The following CELA3B variants were observed in gnomAD, a reference collection of about 807,000 sequenced individuals.
The protein encoded by CELA3B is chymotrypsin-like elastase family member 3B.
In CELA3B, 34 loss-of-function variants were observed where a neutral mutation model predicts 37.2. That is an observed-to-expected ratio of 0.91 (90% CI 0.70 to 1.22). The LOEUF (loss-of-function observed/expected upper bound fraction) is 1.22, where lower values mean the gene tolerates loss of function less well. Ranked by LOEUF, CELA3B falls within the 50% of genes most tolerant of loss-of-function variation. The probability of loss-of-function intolerance (pLI) is 0.00; values close to 1 mark genes in which losing one functional copy is unlikely to be tolerated. For synonymous variants in CELA3B, 127 were observed against 143.5 expected (o/e 0.89, Z 0.82); for missense variants, 340 against 363.1 (o/e 0.94, Z 0.52).
rs1164265213 is a variant in CELA3B, at chr1:21,986,531, G to C, written c.643G>C (p.Gly215Arg). The C allele has an allele frequency of 6.2e-7, 1 of 1,613,916 alleles. No homozygotes were observed. The highest frequency in any genetic ancestry group is 1.3e-5 in the African/African-American group (1 of 74,918). ...ACCCACACCTCTCTGACGGTTCCAG[G>C]GTGACTCTGGAGGACCCCTCAACTG... The part of the protein sequence containing the change: ...AGGDIRSGCN[G>R]DSGGPLNCPT... The change falls in exon 7 of 8, where the codon GGT (glycine) becomes CGT (arginine). Residue 215 changes from glycine (G) to arginine (R), a missense_variant and splice_region_variant. By Grantham distance (125) the Gly-to-Arg change is moderately radical (BLOSUM62 -2). Coordinates refer to ENST00000337107, the MANE Select transcript of CELA3B (RefSeq NM_007352.4).
rs754575621 is a variant in CELA3B, at chr1:21,981,059, G to C, written c.249G>C (p.Val83=). ...HCISSSRTYQ[V]VLGEYDRAVK... Reference sequence around the variant, plus strand: ...GCAGGAGCTCCCGGACCTACCAGGTGGTGTTGGGCGAGTACGACCGTGCTG... The same window carrying C: ...GCAGGAGCTCCCGGACCTACCAGGTCGTGTTGGGCGAGTACGACCGTGCTG... The change falls in exon 4 of 8, where the codon GTG becomes GTC. Residue 83 remains valine (V), a synonymous_variant. Coordinates refer to ENST00000337107, the MANE Select transcript of CELA3B (RefSeq NM_007352.4). 3 of 1,614,112 alleles carry C rather than the reference G, an allele frequency of 1.9e-6. No homozygotes were observed. Among genetic ancestry groups the C allele is most frequent in the Non-Finnish European group, 2.5e-6 (3 of 1,180,034 alleles).
At position 21,983,769 on chromosome 1, in the gene CELA3B, G is replaced by C. The variant is rs10733033; in HGVS notation, c.438G>C (p.Pro146=). The stretch of plus-strand genomic sequence containing the variant: ...CCGTCCAGCTCGCCTCACTCCCTCC[G>C]GCTGGTGACATCCTTCCCAACGAGA... ...GDAVQLASLP[P]AGDILPNETP... The change falls in exon 5 of 8, where the codon CCG becomes CCC. Residue 146 remains proline (P), a synonymous_variant. Transcript: ENST00000337107. 1,569,592 of 1,613,984 alleles carry C rather than the reference G, an allele frequency of 0.97. 766,163 individuals are homozygous for C. Among genetic ancestry groups the C allele is most frequent in the Non-Finnish European group, 0.99 (1,171,638 of 1,180,028 alleles).
downstream of CELA3B, among the ~76,000 whole-genome samples, chr1:21,989,734 T>C (rs1359433978): frequency 6.6e-6 from 1 of 150,584 alleles, no homozygotes; most frequent in Admixed American, 6.6e-5. Flanking sequence ...GGAAGGACAA[T>C]GTGTGATCTG....
At chr1:21,997,321 A>G (rs1321092075) in intron 4 of CELA3B, among the ~76,000 whole-genome samples, 2 of 133,400 alleles carry the variant, frequency 1.5e-5, no homozygotes, top group Non-Finnish European at 3.1e-5. Flanking sequence ...AGATCGTGCC[A>G]TTGCACTCCA....
At chr1:21,989,795 T>G (rs1644862440), downstream of CELA3B, among the ~76,000 whole-genome samples, 1 of 150,842 alleles carries the variant, frequency 6.6e-6, no homozygotes, top group African/African-American at 2.5e-5. Flanking sequence ...CAACAAACAC[T>G]TATTCCTTGT....
chr1:21,985,007 C>T (rs1644829215), intron 6 of CELA3B, among the ~76,000 whole-genome samples: 3 of 151,882 alleles, frequency 2.0e-5, no homozygotes, highest in Admixed American at 2.0e-4. Flanking sequence ...GTTCTGGGCA[C>T]AGTCCCTCAT....
rs965943557 is a variant in CELA3B, at chr1:21,979,776, C to T, written c.130-1048C>T. Among the ~76,000 whole-genome samples the T allele has an allele frequency of 4.7e-5, 7 of 149,732 alleles. No individual in the cohort carries two copies. In the Admixed American group the frequency reaches 4.7e-4, roughly 10 times the overall value. On this transcript the variant is annotated intron_variant, in intron 2 of 7. Transcript: ENST00000337107. ...GCCTGCTTGCCACATTTCAAATGTT[C>T]AATAGTCACATGTGGCTAGTGGCTA...
rs370663466 is a variant in CELA3B, at chr1:21,997,620, C to T, written c.505-531C>T. ...AGAAGAATCACTTGAACCCGGGAGG[C>T]GAAGGTGGCAGTGAGCCGAGATCTA... On this transcript the variant is annotated intron_variant, in intron 4 of 4. Transcript: ENST00000400277. Among the ~76,000 whole-genome samples, 8 of 149,288 alleles carry T rather than the reference C, an allele frequency of 5.4e-5. No homozygotes were observed. In the South Asian group the frequency reaches 1.1e-3, roughly 20 times the overall value.
intron 1 of CELA3B, among the ~76,000 whole-genome samples, chr1:21,977,320 G>A (rs1237490341): frequency 2.6e-5 from 4 of 152,116 alleles, no homozygotes; most frequent in African/African-American, 9.7e-5. Flanking sequence ...CTTGATGGGG[G>A]CAGTAAACAA....
At chr1:21,996,427 CG>C (rs2152818367) in intron 4 of CELA3B, among the ~76,000 whole-genome samples, 1 of 151,158 alleles carries the variant, frequency 6.6e-6, no homozygotes, top group African/African-American at 2.4e-5. Context: ...ACCAGCACCA[CG>C]ACAATTTACA....
At chr1:21,994,713 G>T (rs545874229) in intron 4 of CELA3B, among the ~76,000 whole-genome samples, 2 of 150,932 alleles carry the variant, frequency 1.3e-5, no homozygotes, top group African/African-American at 4.9e-5. Flanking sequence ...ACATTTCCTA[G>T]TTGTGGCCAG....
intron 2 of CELA3B, among the ~76,000 whole-genome samples, chr1:21,979,448 CTTTTCTTT>C (rs1244400029): frequency 6.5e-4 from 71 of 108,600 alleles, no homozygotes; most frequent in African/African-American, 1.5e-3. Context: ...CTTTTCTTTT[CTTTTCTTT>C]TTTTTTTTTT....
chr1:21,981,708 C>T (rs998446941), intron 4 of CELA3B, among the ~76,000 whole-genome samples: 11 of 148,072 alleles, frequency 7.4e-5, no homozygotes, highest in African/African-American at 2.7e-4. Flanking sequence ...ATCTTATGCC[C>T]TTCAAGTGTA....
intron 4 of CELA3B, among the ~76,000 whole-genome samples, chr1:21,994,448 C>T (rs1473685194): frequency 6.6e-6 from 1 of 150,978 alleles, no homozygotes; most frequent in Non-Finnish European, 1.5e-5. Context: ...CCACATCTTC[C>T]CTGCTGGCTT....
At chr1:21,983,639 G>A (rs988031996) in intron 4 of CELA3B, 55 bp from the exon 5 acceptor site, 1 of 1,597,938 alleles carries the variant, frequency 6.3e-7, no homozygotes, top group South Asian at 1.1e-5. Flanking sequence ...CGGCTGGAAG[G>A]TAGGACTTGG....
intron 1 of CELA3B, among the ~76,000 whole-genome samples, chr1:21,977,386 C>T (rs1557863275): frequency 6.6e-6 from 1 of 152,072 alleles, no homozygotes; most frequent in Non-Finnish European, 1.5e-5. Context: ...TTGGAATTTC[C>T]ACTGTTCTGC....
downstream of CELA3B, among the ~76,000 whole-genome samples, chr1:21,989,676 G>T (rs1300905491): frequency 6.6e-6 from 1 of 150,990 alleles, no homozygotes; most frequent in Non-Finnish European, 1.5e-5. Context: ...GTAAAAATCT[G>T]CAGATAAACA....
intron 6 of CELA3B, among the ~76,000 whole-genome samples, chr1:21,985,916 A>G (rs1179331477): frequency 2.2e-4 from 2 of 8,910 alleles, no homozygotes; most frequent in Non-Finnish European, 2.1e-3. Context: ...ACTATCAAAT[A>G]CCCTCGTATT....
chr1:21,985,748 T>G (rs978813317), intron 6 of CELA3B, among the ~76,000 whole-genome samples: 1 of 151,870 alleles, frequency 6.6e-6, no homozygotes, highest in Non-Finnish European at 1.5e-5. Flanking sequence ...AAAATTAGCC[T>G]GGCATGGTGG....
Sources: allele counts gnomAD v4.1 joint callset (sites outside exome capture counted in the v4.1 genomes callset), GRCh38; gene constraint gnomAD v4.1.1; transcripts MANE v1.5; gene names NCBI Gene and HGNC (gene_info 2026-07-23, HGNC 2026-07-21).